ANKRD33B: variants seen among roughly 807,000 people sequenced by gnomAD.
The protein encoded by ANKRD33B is ankyrin repeat domain 33B, also known as ankyrin repeat domain-containing protein 33B.
Under a neutral mutation model 21.5 loss-of-function variants are expected in ANKRD33B, and 6 were observed. The observed-to-expected ratio is 0.28, with a 90% CI of 0.15 to 0.55. ANKRD33B has a LOEUF of 0.55. ANKRD33B is among the 20% of genes least tolerant of loss of function. The pLI is 0.94. For missense variants in ANKRD33B, 698 were observed against 747.2 expected (o/e 0.93, Z 0.77); for synonymous variants, 347 against 342.4 (o/e 1.01, Z -0.15).
At position 10,618,343 on chromosome 5, in the gene ANKRD33B, T is replaced by C; in HGVS notation, c.377T>C (p.Ile126Thr). Reference sequence around the variant, plus strand: ...CCTCTTCATTTCTAGACCGGCCTTATTGTCGCCTGCTACCACGGCTTTGTG... The same window carrying C: ...CCTCTTCATTTCTAGACCGGCCTTACTGTCGCCTGCTACCACGGCTTTGTG... ...ETDRNGRTGL[I>T]VACYHGFVDT... The change falls in exon 2 of 4, where the codon ATT (isoleucine) becomes ACT (threonine). Residue 126 changes from isoleucine to threonine, a missense_variant. Physicochemically the swap from Ile to Thr is moderately conservative, Grantham distance 89. Transcript: ENST00000296657. The C allele has an allele frequency of 2.0e-6, 3 of 1,537,464 alleles. No individual in the cohort carries two copies. Among genetic ancestry groups the C allele is most frequent in the African/African-American group, 2.7e-5 (2 of 73,156 alleles).
At chr5:10,591,705 A>T (rs1735696776) in intron 1 of ANKRD33B, among the ~76,000 whole-genome samples, 1 of 152,198 alleles carries the variant, frequency 6.6e-6, no homozygotes, top group African/African-American at 2.4e-5. Flanking sequence ...TGTATATTTT[A>T]CATGTATTTA....
At chr5:10,596,176 T>C (rs1414286175) in intron 1 of ANKRD33B, among the ~76,000 whole-genome samples, 1 of 152,192 alleles carries the variant, frequency 6.6e-6, no homozygotes, top group Admixed American at 6.5e-5. Context: ...AACTTTTAGT[T>C]TAAGTTCTGA....
intron 1 of ANKRD33B, among the ~76,000 whole-genome samples, chr5:10,587,970 GGTATATTATTGGTATGTTAT>G (rs1735603959): frequency 6.6e-6 from 1 of 152,034 alleles, no homozygotes; most frequent in Non-Finnish European, 1.5e-5. Context: ...ATTCCAAGAA[GGTATATTATTGGTATGTTAT>G]TATTGTACCC....
In ANKRD33B at chr5:10,650,033, A is replaced by C. The variant is rs541422571; in HGVS notation, c.1405A>C (p.Lys469Gln). 3 of 1,532,576 alleles carry C rather than the reference A, an allele frequency of 2.0e-6. No individual in the cohort carries two copies. The highest frequency in any genetic ancestry group is 2.4e-5 in the South Asian group (2 of 83,778). The allele number at this position is 1,532,576 out of a possible 1,614,324, so 94.9% of individuals were successfully genotyped here. A position where few individuals can be genotyped will look rare whatever the true frequency, so the allele number is the denominator to read the frequency against. ...CAAGGAGGCCAAGGAGGAGAAGAGGAAGGCAGAGGAGGCCGAAAAGAAGCG... is the reference window on the plus strand; with the variant it reads ...CAAGGAGGCCAAGGAGGAGAAGAGGCAGGCAGAGGAGGCCGAAAAGAAGCG... Reference protein sequence around the residue: ...RYKEAKEEKRKAEEAEKKRQA... With the variant: ...RYKEAKEEKRQAEEAEKKRQA... The change falls in exon 4 of 4, where the codon AAG becomes CAG. Residue 469 changes from lysine (K) to glutamine (Q), a missense_variant. By Grantham distance (53) the Lys-to-Gln change is moderately conservative (BLOSUM62 1). Around this residue, in one of 3 missense-constraint regions of ANKRD33B, gnomAD observed 543 missense variants for 566.5 expected, o/e 0.96. Coordinates refer to ENST00000296657, the MANE Select transcript of ANKRD33B (RefSeq NM_001164440.2).
intron 1 of ANKRD33B, among the ~76,000 whole-genome samples, chr5:10,617,250 C>G (rs1736304427): frequency 6.6e-6 from 1 of 152,204 alleles, no homozygotes; most frequent in Non-Finnish European, 1.5e-5. Context: ...CTCCATGACT[C>G]CACGCTGCTA....
rs749837253 is a variant in ANKRD33B at position 10,591,194 on chromosome 5, G to GTTTT, written c.366+26361_366+26362insTTTT. ...AATAGTCATCTACATTTTTTTTAGT[G>GTTTT]GTTTTTTTTTTTTTTTGAGATGGAG... On this transcript the variant is annotated intron_variant, in intron 1 of 3. Transcript: ENST00000296657. Among the ~76,000 whole-genome samples the GTTTT allele has an allele frequency of 1.5e-4, 17 of 113,464 alleles. 1 individual carries two copies. The highest frequency in any genetic ancestry group is 5.4e-4 in the Admixed American group (5 of 9,186). 74.4% of individuals were successfully genotyped at this position (113,464 alleles called of 152,430 possible). A position where few individuals can be genotyped will look rare whatever the true frequency, so the allele number is the denominator to read the frequency against.
At chr5:10,629,376 A>G (rs1337010031) in intron 2 of ANKRD33B, among the ~76,000 whole-genome samples, 1 of 152,162 alleles carries the variant, frequency 6.6e-6, no homozygotes, top group Admixed American at 6.5e-5. Context: ...TCAGAGGTGC[A>G]GTTGGCAGAA....
chr5:10,616,665 C>T (rs921059233), intron 1 of ANKRD33B, among the ~76,000 whole-genome samples: 1 of 151,940 alleles, frequency 6.6e-6, no homozygotes, highest in African/African-American at 2.4e-5. Context: ...GTGTGACTGG[C>T]AGTGCCAAGA....
At chr5:10,620,993 T>C (rs1736407731) in intron 2 of ANKRD33B, among the ~76,000 whole-genome samples, 1 of 152,236 alleles carries the variant, frequency 6.6e-6, no homozygotes, top group Non-Finnish European at 1.5e-5. Context: ...GAGCTTTCCT[T>C]TAGCCCCACC....
intron 1 of ANKRD33B, among the ~76,000 whole-genome samples, chr5:10,607,260 C>G (rs1401076480): frequency 6.6e-6 from 1 of 152,230 alleles, no homozygotes. Context: ...CTCGCTCATT[C>G]ATGCTGTTGT....
In ANKRD33B at chr5:10,657,708, A is replaced by G. The variant is rs1226240123; in HGVS notation, c.*7595A>G. 2.0e-5 allele frequency: 3 copies of G among 152,350 alleles called. No individual in the cohort carries two copies. Among genetic ancestry groups the G allele is most frequent in the Non-Finnish European group, 1.5e-5 (1 of 68,040 alleles). 9.4% of individuals were successfully genotyped at this position (152,350 alleles called of 1,614,324 possible). On this transcript the variant is annotated 3_prime_UTR_variant, in exon 4 of 4. Transcript: ENST00000296657. ...CAGAAAAAAATGTTTTTCCCTTTTA[A>G]CTTCTAACAAATTATGTATCTAATG...
chr5:10,646,093 A>G (rs4701876), intron 3 of ANKRD33B, among the ~76,000 whole-genome samples: 66,260 of 152,050 alleles, frequency 0.44, 14,807 homozygotes, highest in Middle Eastern at 0.56. Flanking sequence ...ATCGTGATGC[A>G]TTGCCAAGAA....
At chr5:10,645,733 C>A (rs1737174771) in intron 3 of ANKRD33B, among the ~76,000 whole-genome samples, 1 of 152,214 alleles carries the variant, frequency 6.6e-6, no homozygotes, top group African/African-American at 2.4e-5. Flanking sequence ...ACCAACCATG[C>A]TGGTCCCTTT....
At position 10,618,315 on chromosome 5, in the gene ANKRD33B, T is replaced by A. The variant is rs1736334802; in HGVS notation, c.367-18T>A. On this transcript the variant is annotated intron_variant, in intron 1 of 3. Transcript: ENST00000296657. ...TCCGACTCTGCCCCTCTGACCCGCT[T>A]CCCCTCTTCATTTCTAGACCGGCCT... 1 of 1,536,274 alleles carries A rather than the reference T, an allele frequency of 6.5e-7. No homozygotes were observed. Among genetic ancestry groups the A allele is most frequent in the African/African-American group, 1.4e-5 (1 of 72,994 alleles).
In ANKRD33B at chr5:10,649,433, G is replaced by A. The variant is rs576501299; in HGVS notation, c.805G>A (p.Ala269Thr). The change falls in exon 4 of 4, where the codon GCG becomes ACG. Residue 269 changes from alanine to threonine, a missense_variant. Ala to Thr is a moderately conservative substitution (Grantham distance 58, BLOSUM62 0). Around this residue, in one of 3 missense-constraint regions of ANKRD33B, gnomAD observed 543 missense variants for 566.5 expected, o/e 0.96. Coordinates refer to ENST00000296657, the MANE Select transcript of ANKRD33B (RefSeq NM_001164440.2). ...GCCCGAGCTGCCGCCGCCCCCTGAAGCGGCGCGGAAGCCCGCGGGCTCCAA... is the reference window on the plus strand; with the variant it reads ...GCCCGAGCTGCCGCCGCCCCCTGAAACGGCGCGGAAGCCCGCGGGCTCCAA... Reference protein sequence around the residue: ...YRPELPPPPEAARKPAGSKNC... With the variant: ...YRPELPPPPETARKPAGSKNC... 1.3e-6 allele frequency: 2 copies of A among 1,535,396 alleles called. No homozygotes were observed. The highest frequency in any genetic ancestry group is 1.4e-5 in the African/African-American group (1 of 73,146).
chr5:10,575,978 T>C (rs1031909527), intron 1 of ANKRD33B, among the ~76,000 whole-genome samples: 15 of 149,960 alleles, frequency 1.0e-4, no homozygotes, highest in Admixed American at 3.3e-4. Context: ...GATGGACGTA[T>C]ACACACACAC....
At chr5:10,571,461 C>A (rs538207908) in intron 1 of ANKRD33B, among the ~76,000 whole-genome samples, 2 of 152,282 alleles carry the variant, frequency 1.3e-5, no homozygotes, top group East Asian at 3.9e-4. Flanking sequence ...CTCAGCCTCC[C>A]AAAGCGCTGG....
At chr5:10,626,529 C>G (rs896100799) in intron 2 of ANKRD33B, among the ~76,000 whole-genome samples, 1 of 152,232 alleles carries the variant, frequency 6.6e-6, no homozygotes, top group Non-Finnish European at 1.5e-5. Flanking sequence ...GCTTCAACCA[C>G]AAGGACACTG....
intron 1 of ANKRD33B, among the ~76,000 whole-genome samples, chr5:10,600,876 G>C (rs1161235153): frequency 6.6e-6 from 1 of 151,932 alleles, no homozygotes; most frequent in East Asian, 1.9e-4. Context: ...TCTCATTGTG[G>C]GTTTAATTTG....
Sources: allele counts gnomAD v4.1 joint callset (sites outside exome capture counted in the v4.1 genomes callset), GRCh38; gene constraint gnomAD v4.1.1; regional missense constraint gnomAD v4.1.1; transcripts MANE v1.5; gene names NCBI Gene and HGNC (gene_info 2026-07-23, HGNC 2026-07-21).